Variants in CACNA2D3 observed in about 807,000 individuals in gnomAD.
CACNA2D3 encodes voltage-dependent calcium channel subunit alpha-2/delta-3.
In CACNA2D3, 60 loss-of-function variants were observed where a neutral mutation model predicts 160.6. The observed-to-expected ratio is 0.37, with a 90% CI of 0.30 to 0.46. The LOEUF (loss-of-function observed/expected upper bound fraction) is 0.46. Ranked by LOEUF, CACNA2D3 falls within the 20% of genes least tolerant of loss-of-function variation. The pLI, the probability that CACNA2D3 is intolerant of heterozygous loss-of-function variation, is 1.00. For missense variants in CACNA2D3, 1,205 were observed against 1,365.0 expected, an observed-to-expected ratio of 0.88 and a Z score of 1.85; for synonymous variants, 558 against 492.9, an observed-to-expected ratio of 1.13 and a Z score of -1.75.
intron 10 of CACNA2D3, among the ~76,000 whole-genome samples, chr3:54,635,618 G>C (rs1699353432): frequency 6.6e-6 from 1 of 151,970 alleles, no homozygotes; most frequent in Non-Finnish European, 1.5e-5. Flanking sequence ...CCGAGGACAG[G>C]CCTGAATTCT....
intron 8 of CACNA2D3, among the ~76,000 whole-genome samples, chr3:54,575,061 A>G (rs1317083425): frequency 6.6e-6 from 1 of 152,208 alleles, no homozygotes; most frequent in East Asian, 1.9e-4. Context: ...AATTGTGTCC[A>G]GTTGTGTTTC....
intron 2 of CACNA2D3, among the ~76,000 whole-genome samples, chr3:54,203,148 G>T (rs942589678): frequency 3.9e-5 from 6 of 152,204 alleles, no homozygotes; most frequent in African/African-American, 1.4e-4. Context: ...ATTTGAATCA[G>T]TGGACTCAGT....
At chr3:54,793,888 A>G (rs1267084317) in intron 13 of CACNA2D3, among the ~76,000 whole-genome samples, 2 of 152,108 alleles carry the variant, frequency 1.3e-5, no homozygotes, top group South Asian at 2.1e-4. Flanking sequence ...CCTCATTCCA[A>G]ATTCATTTTC....
chr3:54,644,904 C>G (rs1164247040), intron 11 of CACNA2D3, among the ~76,000 whole-genome samples: 1 of 152,218 alleles, frequency 6.6e-6, no homozygotes, highest in African/African-American at 2.4e-5. Flanking sequence ...TTGCTGCCGT[C>G]TATTGACTTT....
intron 11 of CACNA2D3, among the ~76,000 whole-genome samples, chr3:54,722,008 C>T (rs1190678594): frequency 6.6e-6 from 1 of 152,118 alleles, no homozygotes; most frequent in Non-Finnish European, 1.5e-5. Context: ...AGAGTGTTTT[C>T]CAACTTGGTT....
chr3:54,584,732 T>C (rs995145579), intron 9 of CACNA2D3, among the ~76,000 whole-genome samples: 5 of 152,032 alleles, frequency 3.3e-5, no homozygotes, highest in African/African-American at 1.2e-4. Context: ...CCAAGACACA[T>C]CATAAATATA....
At chr3:54,803,239 G>T (rs924986159) in intron 13 of CACNA2D3, among the ~76,000 whole-genome samples, 8 of 152,208 alleles carry the variant, frequency 5.3e-5, no homozygotes, top group African/African-American at 1.9e-4. Context: ...AGGGAAGAAG[G>T]CTTCAGACGA....
chr3:54,477,445 C>A (rs929230727), intron 4 of CACNA2D3, among the ~76,000 whole-genome samples: 1 of 152,104 alleles, frequency 6.6e-6, no homozygotes, highest in South Asian at 2.1e-4. Context: ...TCCTCCACCC[C>A]AGCCTGCTTC....
chr3:54,203,211 C>G (rs990975687), intron 2 of CACNA2D3, among the ~76,000 whole-genome samples: 1 of 152,172 alleles, frequency 6.6e-6, no homozygotes, highest in African/African-American at 2.4e-5. Flanking sequence ...CCTTTGAAAG[C>G]CTGAACAGAA....
intron 5 of CACNA2D3, among the ~76,000 whole-genome samples, chr3:54,518,063 A>C (rs1272215325): frequency 6.6e-6 from 1 of 152,118 alleles, no homozygotes; most frequent in Admixed American, 6.5e-5. Flanking sequence ...TCGTGAATGG[A>C]ATATTTTCAG....
intron 11 of CACNA2D3, among the ~76,000 whole-genome samples, chr3:54,727,569 A>G (rs1175684029): frequency 2.0e-5 from 3 of 152,242 alleles, no homozygotes; most frequent in South Asian, 4.1e-4. Context: ...ATGGAATACT[A>G]TGCAGCCATA....
intron 11 of CACNA2D3, among the ~76,000 whole-genome samples, chr3:54,731,549 G>A (rs1701386786): frequency 6.6e-6 from 1 of 152,146 alleles, no homozygotes; most frequent in Non-Finnish European, 1.5e-5. Context: ...ACTGTGTGCT[G>A]ATTTTGCATT....
intron 5 of CACNA2D3, among the ~76,000 whole-genome samples, chr3:54,532,291 A>G (rs915934180): frequency 6.6e-6 from 1 of 152,180 alleles, no homozygotes; most frequent in Non-Finnish European, 1.5e-5. Flanking sequence ...GCTGCATTGA[A>G]TCAAGGTTTG....
intron 13 of CACNA2D3, among the ~76,000 whole-genome samples, chr3:54,805,786 T>C (rs1703106321): frequency 6.6e-6 from 1 of 152,150 alleles, no homozygotes; most frequent in South Asian, 2.1e-4. Context: ...TGATGAACAT[T>C]GATGCAAATA....
chr3:54,209,891 A>C (rs1559883276), intron 2 of CACNA2D3, among the ~76,000 whole-genome samples: 2 of 152,216 alleles, frequency 1.3e-5, no homozygotes. Context: ...AGAAATCGGA[A>C]TCCCTTTAGA....
intron 3 of CACNA2D3, among the ~76,000 whole-genome samples, chr3:54,348,725 G>GT: frequency 6.6e-6 from 1 of 152,162 alleles, no homozygotes; most frequent in Non-Finnish European, 1.5e-5. Context: ...TGTGACTGTT[G>GT]TTTTTTTATT....
intron 14 of CACNA2D3, among the ~76,000 whole-genome samples, chr3:54,832,679 G>C (rs1703906491): frequency 6.6e-6 from 1 of 152,170 alleles, no homozygotes; most frequent in South Asian, 2.1e-4. Flanking sequence ...GAGCCTCTCT[G>C]CTCACCGAAT....
intron 27 of CACNA2D3, among the ~76,000 whole-genome samples, chr3:54,953,655 C>T (rs1380209671): frequency 1.3e-5 from 2 of 152,186 alleles, no homozygotes; most frequent in African/African-American, 4.8e-5. Flanking sequence ...TCCAGTTCCC[C>T]AGGAGCTGGG....
rs267599906 is a variant in CACNA2D3 at position 54,880,844 on chromosome 3, G to A, written c.1893G>A (p.Gly631=). The A allele has an allele frequency of 1.2e-6, 2 of 1,613,832 alleles. No homozygotes were observed. The highest frequency in any genetic ancestry group is 1.7e-6 in the Non-Finnish European group (2 of 1,179,752). Residue 631 remains glycine, a synonymous_variant, in exon 21 of 38, where the codon GGG becomes GGA. Coordinates refer to ENST00000474759, the MANE Select transcript of CACNA2D3 (RefSeq NM_018398.3). The stretch of plus-strand genomic sequence containing the variant: ...GTCATGGGAAATATTTCTTCCGAGG[G>A]AATGTAACCATCGAAGAAGGTAAGA... ...SRGHGKYFFR[G]NVTIEEGLHD...
Sources: gnomAD v4.1 joint callset for allele counts (sites outside exome capture counted in the v4.1 genomes callset) on GRCh38, gnomAD v4.1.1 for gene constraint, MANE v1.5 for transcripts, NCBI Gene and HGNC (gene_info 2026-07-23, HGNC 2026-07-21) for gene names.